The following HPSE2 variants were observed in gnomAD, a reference collection of about 807,000 sequenced individuals.
HPSE2 encodes heparanase 2 (inactive).
Under a neutral mutation model 60.5 loss-of-function variants are expected in HPSE2, and 38 were observed. The observed-to-expected ratio is 0.63, with a 90% CI of 0.48 to 0.82. HPSE2 has a LOEUF of 0.82. Ranked by LOEUF, HPSE2 falls within the 40% of genes least tolerant of loss-of-function variation. The pLI, the probability that HPSE2 is intolerant of heterozygous loss-of-function variation, is 0.00. For synonymous variants in HPSE2, 295 were observed against 293.2 expected (o/e 1.01, Z -0.06); for missense variants, 713 against 740.4 (o/e 0.96, Z 0.43).
chr10:98,932,417 G>A (rs765404415), intron 3 of HPSE2, among the ~76,000 whole-genome samples: 1 of 143,904 alleles, frequency 6.9e-6, no homozygotes, highest in Non-Finnish European at 1.5e-5. Flanking sequence ...CAAGGATATT[G>A]GCCTAAAGTT....
rs200059066 is a variant in HPSE2, at chr10:99,184,522, C to CAAAA, written c.449-40127_449-40124dup. ...CCTGGGCAACAGAGCGAGACTGTCT[C>CAAAA]AAAAAAAAAAAAAAAAAAAAAAAAA... On this transcript the variant is annotated intron_variant, in intron 2 of 11. Transcript: ENST00000370552. 9.9e-5 allele frequency among the ~76,000 whole-genome samples: 6 copies of CAAAA among 60,788 alleles called. 1 individual carries two copies. The highest frequency in any genetic ancestry group is 3.6e-4 in the African/African-American group (3 of 8,248). 39.9% of individuals were successfully genotyped at this position (60,788 alleles called of 152,430 possible). A position where few individuals can be genotyped will look rare whatever the true frequency, so the allele number is the denominator to read the frequency against.
At chr10:99,078,883 T>G (rs575089626) in intron 3 of HPSE2, among the ~76,000 whole-genome samples, 1 of 152,276 alleles carries the variant, frequency 6.6e-6, no homozygotes, top group African/African-American at 2.4e-5. Flanking sequence ...TGTGTCCTGG[T>G]TCAACCTGCT....
chr10:99,146,142 A>G (rs892943308), intron 2 of HPSE2, among the ~76,000 whole-genome samples: 3 of 152,232 alleles, frequency 2.0e-5, no homozygotes, highest in Non-Finnish European at 2.9e-5. Flanking sequence ...AATAGAAGTC[A>G]AGAGGAATAA....
At chr10:98,565,805 T>C (rs138251429) in intron 9 of HPSE2, among the ~76,000 whole-genome samples, 6 of 152,094 alleles carry the variant, frequency 3.9e-5, no homozygotes, top group Middle Eastern at 3.4e-3. Context: ...ACTAGGTGAG[T>C]GTCTTAAAGT....
At chr10:98,961,015 G>C (rs1211442127) in intron 3 of HPSE2, among the ~76,000 whole-genome samples, 1 of 63,870 alleles carries the variant, frequency 1.6e-5, no homozygotes, top group African/African-American at 6.6e-5. Context: ...TCTTGCGATA[G>C]TTTACTGAGA....
chr10:98,945,868 G>T (rs554251477), intron 3 of HPSE2, among the ~76,000 whole-genome samples: 1 of 151,980 alleles, frequency 6.6e-6, no homozygotes, highest in South Asian at 2.1e-4. Flanking sequence ...ATATTTCATT[G>T]TTCCCATTCC....
intron 3 of HPSE2, among the ~76,000 whole-genome samples, chr10:99,024,917 A>C (rs1465117389): frequency 6.6e-6 from 1 of 152,216 alleles, no homozygotes; most frequent in African/African-American, 2.4e-5. Flanking sequence ...GAAATGCTAA[A>C]GGAAGTTCTT....
chr10:99,312,700 T>C, the HPSE2 span, among the ~76,000 whole-genome samples: 26 of 152,332 alleles, frequency 1.7e-4, no homozygotes, highest in African/African-American at 5.8e-4. Flanking sequence ...CTGTAGCCTA[T>C]GGATGAAGAA....
intron 3 of HPSE2, among the ~76,000 whole-genome samples, chr10:98,850,152 A>G (rs1952134381): frequency 6.6e-6 from 1 of 152,208 alleles, no homozygotes; most frequent in Admixed American, 6.5e-5. Context: ...ACTTTGCTAA[A>G]AAGCGCTAGT....
Position 98,623,911 on chromosome 10 carries a change from G to T in HPSE2, c.1099-3203C>A, listed in dbSNP as rs571778256. 2.0e-5 allele frequency among the ~76,000 whole-genome samples: 3 copies of T among 152,172 alleles called. No homozygotes were observed. The South Asian group carries it at 6.2e-4, about 32-fold the overall frequency. ...ACAAAGATCTGGGCTGGAGGAAAAC[G>T]CTGAGAAAGGTAGAAAAATCCACAG... On this transcript the variant is annotated intron_variant, in intron 7 of 11. Coordinates refer to ENST00000370552, the MANE Select transcript of HPSE2 (RefSeq NM_021828.5).
intron 3 of HPSE2, among the ~76,000 whole-genome samples, chr10:98,840,528 G>C (rs971893904): frequency 1.3e-5 from 2 of 152,176 alleles, no homozygotes; most frequent in African/African-American, 4.8e-5. Flanking sequence ...GATGACAGTG[G>C]GAACAGAGAA....
intron 3 of HPSE2, among the ~76,000 whole-genome samples, chr10:99,030,972 A>G (rs919616129): frequency 6.6e-6 from 1 of 152,216 alleles, no homozygotes; most frequent in African/African-American, 2.4e-5. Flanking sequence ...AAAGATGGTT[A>G]CCAGAGGCTG....
intron 3 of HPSE2, among the ~76,000 whole-genome samples, chr10:98,874,781 T>G (rs1483886526): frequency 6.6e-6 from 1 of 152,104 alleles, no homozygotes; most frequent in Non-Finnish European, 1.5e-5. Flanking sequence ...TTGAGGTATG[T>G]TCCATCAATA....
chr10:98,915,084 A>G (rs1156891460), intron 3 of HPSE2, among the ~76,000 whole-genome samples: 1 of 150,434 alleles, frequency 6.6e-6, no homozygotes, highest in Non-Finnish European at 1.5e-5. Flanking sequence ...TTTTTCTTCT[A>G]TATACTTATA....
At position 99,115,148 on chromosome 10, in the gene HPSE2, T is replaced by C. The variant is rs188640809; in HGVS notation, c.610+29090A>G. On this transcript the variant is annotated intron_variant, in intron 3 of 11. Transcript: ENST00000370552. ...ATACACATGCACCACCTCGCCCAGCTAAATGTGTTTTTTTTTTTTTTTGAG... is the reference window on the plus strand; with the variant it reads ...ATACACATGCACCACCTCGCCCAGCCAAATGTGTTTTTTTTTTTTTTTGAG... 1.3e-3 allele frequency among the ~76,000 whole-genome samples: 180 copies of C among 134,854 alleles called. 1 individual carries two copies. Among genetic ancestry groups the C allele is most frequent in the African/African-American group, 4.4e-3 (168 of 38,256 alleles). 88.5% of individuals were successfully genotyped at this position (134,854 alleles called of 152,430 possible). A position where few individuals can be genotyped will look rare whatever the true frequency, so the allele number is the denominator to read the frequency against.
intron 2 of HPSE2, among the ~76,000 whole-genome samples, chr10:99,185,602 A>C (rs960626044): frequency 6.6e-6 from 1 of 151,798 alleles, no homozygotes; most frequent in African/African-American, 2.4e-5. Flanking sequence ...GTGAAACCCC[A>C]TCTCTACTAA....
At chr10:99,015,129 C>T (rs1164808546) in intron 3 of HPSE2, among the ~76,000 whole-genome samples, 1 of 151,974 alleles carries the variant, frequency 6.6e-6, no homozygotes, top group Non-Finnish European at 1.5e-5. Context: ...TACCATCTCA[C>T]ACCAGTTAGA....
intron 8 of HPSE2, among the ~76,000 whole-genome samples, chr10:98,617,406 T>C (rs901927925): frequency 8.5e-5 from 13 of 152,296 alleles, no homozygotes; most frequent in African/African-American, 2.9e-4. Flanking sequence ...CTGCATAGAG[T>C]ATATACTCAA....
intron 2 of HPSE2, among the ~76,000 whole-genome samples, chr10:99,180,244 A>C (rs1250875499): frequency 6.6e-6 from 1 of 152,246 alleles, no homozygotes; most frequent in Non-Finnish European, 1.5e-5. Context: ...TGGCAACAGA[A>C]GCCAAAATTG....
Sources: allele counts gnomAD v4.1 joint callset (sites outside exome capture counted in the v4.1 genomes callset), GRCh38; gene constraint gnomAD v4.1.1; transcripts MANE v1.5; gene names NCBI Gene and HGNC (gene_info 2026-07-23, HGNC 2026-07-21).